Variants in IGF1R observed in about 807,000 individuals in gnomAD.
IGF1R encodes insulin-like growth factor 1 receptor.
A neutral mutation model predicts 144.6 loss-of-function variants in IGF1R; 44 were observed. The observed-to-expected ratio is 0.30, with a 90% CI of 0.24 to 0.39. IGF1R has a LOEUF of 0.39. Among genes scored for constraint, IGF1R ranks in the 10% least tolerant of loss-of-function variants. The probability of loss-of-function intolerance (pLI) is 1.00; values close to 1 mark genes in which losing one functional copy is unlikely to be tolerated. For missense variants in IGF1R, 1,355 were observed against 1,833.7 expected (o/e 0.74, Z 4.77); for synonymous variants, 795 against 722.8 (o/e 1.10, Z -1.60).
chr15:98,669,185 C>T (rs1055581713), intron 1 of IGF1R, among the ~76,000 whole-genome samples: 1 of 152,110 alleles, frequency 6.6e-6, no homozygotes, highest in Admixed American at 6.5e-5. Context: ...CGGCTCCGTG[C>T]GTGTGCGGAT....
intron 3 of IGF1R, among the ~76,000 whole-genome samples, chr15:98,894,362 T>G (rs1235896637): frequency 6.6e-6 from 1 of 152,250 alleles, no homozygotes; most frequent in Non-Finnish European, 1.5e-5. Context: ...CACAAAAATA[T>G]GTACACCATC....
At position 98,686,098 on chromosome 15, in the gene IGF1R, A is replaced by T. The variant is rs950099496; in HGVS notation, c.95-21464A>T. Among the ~76,000 whole-genome samples the T allele has an allele frequency of 2.0e-5, 3 of 152,086 alleles. No individual in the cohort carries two copies. In the East Asian group the frequency reaches 5.8e-4, roughly 29 times the overall value. On this transcript the variant is annotated intron_variant, in intron 1 of 20. Transcript: ENST00000650285. ...ATTCCACTTTCTGTCTGTAAATTTG[A>T]CTGTCTGGATACCTCATGTAAGTGG...
At chr15:98,882,399 C>T (rs1218192225) in intron 2 of IGF1R, among the ~76,000 whole-genome samples, 6 of 152,146 alleles carry the variant, frequency 3.9e-5, no homozygotes, top group Admixed American at 3.9e-4. Context: ...GTAATGAGCT[C>T]CCTTGGACTT....
chr15:98,736,807 T>C (rs2054621481), intron 2 of IGF1R, among the ~76,000 whole-genome samples: 2 of 152,088 alleles, frequency 1.3e-5, no homozygotes, highest in Admixed American at 1.3e-4. Flanking sequence ...AGACGACGTT[T>C]CACCATGTTG....
At chr15:98,690,512 G>A (rs1483413074) in intron 1 of IGF1R, among the ~76,000 whole-genome samples, 4 of 152,182 alleles carry the variant, frequency 2.6e-5, no homozygotes, top group African/African-American at 4.8e-5. Flanking sequence ...CTTAGCCATC[G>A]TTTAAACACA....
chr15:98,791,468 C>T (rs2056125773), intron 2 of IGF1R, among the ~76,000 whole-genome samples: 1 of 152,100 alleles, frequency 6.6e-6, no homozygotes. Flanking sequence ...CTGTTTGTGA[C>T]CACTTAGGTG....
intron 2 of IGF1R, among the ~76,000 whole-genome samples, chr15:98,795,668 G>C (rs776035492): frequency 7.9e-5 from 12 of 152,218 alleles, no homozygotes; most frequent in Non-Finnish European, 1.6e-4. Flanking sequence ...CACCTGTCTC[G>C]GCCTCCCAAC....
At chr15:98,737,102 C>T (rs781595699) in intron 2 of IGF1R, among the ~76,000 whole-genome samples, 5 of 152,124 alleles carry the variant, frequency 3.3e-5, no homozygotes, top group Non-Finnish European at 7.4e-5. Flanking sequence ...GAGAGGGACA[C>T]CCCCTCTACA....
At chr15:98,674,574 G>A (rs1304058124) in intron 1 of IGF1R, among the ~76,000 whole-genome samples, 1 of 152,156 alleles carries the variant, frequency 6.6e-6, no homozygotes, top group African/African-American at 2.4e-5. Flanking sequence ...AAAATAACGT[G>A]CAGCTATGAC....
Position 98,786,387 on chromosome 15 carries a change from T to A in IGF1R, c.640+78280T>A, listed in dbSNP as rs372347217. 3.4e-3 allele frequency among the ~76,000 whole-genome samples: 521 copies of A among 151,792 alleles called. 5 individuals carry two copies. Among genetic ancestry groups the A allele is most frequent in the African/African-American group, 0.012 (493 of 41,400 alleles). ...TTAACCAGGGAGTTAATTTTTTTTT[T>A]TTATTAAACAAAGAAGAAAACACCT... is the stretch of plus-strand genomic sequence containing the variant. On this transcript the variant is annotated intron_variant, in intron 2 of 20. Transcript: ENST00000650285.
chr15:98,804,578 C>T (rs998822538), intron 2 of IGF1R, among the ~76,000 whole-genome samples: 4 of 152,234 alleles, frequency 2.6e-5, no homozygotes, highest in Middle Eastern at 6.8e-3. Context: ...AAGAGAGCAG[C>T]GCACACACAG....
chr15:98,667,139 A>T (rs1199459003), intron 1 of IGF1R, among the ~76,000 whole-genome samples: 1 of 146,132 alleles, frequency 6.8e-6, no homozygotes, highest in Non-Finnish European at 1.5e-5. Context: ...AGTATTGCAG[A>T]TAATTTTTTT....
intron 2 of IGF1R, among the ~76,000 whole-genome samples, chr15:98,710,480 T>A (rs1416127947): frequency 6.6e-6 from 1 of 152,124 alleles, no homozygotes; most frequent in Non-Finnish European, 1.5e-5. Context: ...GAACTGTGGC[T>A]TGTCCGAATT....
intron 2 of IGF1R, among the ~76,000 whole-genome samples, chr15:98,752,902 A>G (rs1337424237): frequency 6.6e-6 from 1 of 151,724 alleles, no homozygotes; most frequent in Non-Finnish European, 1.5e-5. Flanking sequence ...GATGAGATAA[A>G]GAATATGTTT....
chr15:98,800,240 CAG>C (rs10534050), intron 2 of IGF1R, among the ~76,000 whole-genome samples: 56,348 of 151,692 alleles, frequency 0.37, 12,434 homozygotes, highest in East Asian at 0.47. Context: ...GCGAGGGAGA[CAG>C]TGCTTCATCC....
At chr15:98,720,210 G>A (rs952816091) in intron 2 of IGF1R, among the ~76,000 whole-genome samples, 1 of 152,154 alleles carries the variant, frequency 6.6e-6, no homozygotes, top group Non-Finnish European at 1.5e-5. Flanking sequence ...AGAGGCAGGT[G>A]GCCTGGAGAA....
chr15:98,901,936 T>C lies in IGF1R; in HGVS notation c.1247+2315T>C, dbSNP rs376802266. On this transcript the variant is annotated intron_variant, in intron 5 of 20. Coordinates refer to ENST00000650285, the MANE Select transcript of IGF1R (RefSeq NM_000875.5). Reference sequence around the variant, plus strand: ...TGGGTGGTACTAGAGTTATGTAAGATGTTTTGCACGCAGGTATAAAGGGTT... The same window carrying C: ...TGGGTGGTACTAGAGTTATGTAAGACGTTTTGCACGCAGGTATAAAGGGTT... Among the ~76,000 whole-genome samples the C allele has an allele frequency of 1.4e-4, 21 of 152,286 alleles. 1 individual carries two copies. The South Asian group carries it at 4.4e-3, about 32-fold the overall frequency.
At chr15:98,850,798 A>G (rs1466251799) in intron 2 of IGF1R, among the ~76,000 whole-genome samples, 1 of 151,982 alleles carries the variant, frequency 6.6e-6, no homozygotes, top group Non-Finnish European at 1.5e-5. Flanking sequence ...GGGGTACTTG[A>G]CTTGGGGGCA....
intron 2 of IGF1R, among the ~76,000 whole-genome samples, chr15:98,848,875 A>G (rs2684776): frequency 0.033 from 4,950 of 152,132 alleles, 134 homozygotes; most frequent in East Asian, 0.15. Flanking sequence ...TTAAAATAAA[A>G]AGAGAAAACA....
Sources: allele counts gnomAD v4.1 joint callset (sites outside exome capture counted in the v4.1 genomes callset), GRCh38; gene constraint gnomAD v4.1.1; transcripts MANE v1.5; gene names NCBI Gene and HGNC (gene_info 2026-07-23, HGNC 2026-07-21).